MAGI2: variants seen among roughly 807,000 people sequenced by gnomAD.
MAGI2 encodes the protein membrane-associated guanylate kinase, WW and PDZ domain-containing protein 2.
Under a neutral mutation model 133.3 loss-of-function variants are expected in MAGI2, and 35 were observed. The observed-to-expected ratio is 0.26, with a 90% CI of 0.20 to 0.35. The LOEUF (loss-of-function observed/expected upper bound fraction) is 0.35, where lower values mean the gene tolerates loss of function less well. Among genes scored for constraint, MAGI2 ranks in the 10% least tolerant of loss-of-function variants. The pLI, the probability that MAGI2 is intolerant of heterozygous loss-of-function variation, is 1.00. For synonymous variants in MAGI2, 729 were observed against 710.6 expected (o/e 1.03, Z -0.41); for missense variants, 1,636 against 1,863.4 (o/e 0.88, Z 2.25).
intron 1 of MAGI2, among the ~76,000 whole-genome samples, chr7:79,039,851 TATATTATATATATATA>T: frequency 6.9e-6 from 1 of 144,946 alleles, no homozygotes; most frequent in African/African-American, 2.5e-5. Flanking sequence ...TATATACATA[TATATTATATATATATA>T]ATATATATGT....
chr7:78,660,025 A>G (rs1359785743), intron 2 of MAGI2, among the ~76,000 whole-genome samples: 1 of 151,972 alleles, frequency 6.6e-6, no homozygotes. Flanking sequence ...TGCAAGGACA[A>G]AAAACCAAAC....
intron 2 of MAGI2, among the ~76,000 whole-genome samples, chr7:78,800,801 G>A (rs1444933251): frequency 1.3e-5 from 2 of 152,038 alleles, no homozygotes; most frequent in Non-Finnish European, 2.9e-5. Flanking sequence ...TCCTTGCTCA[G>A]TTTTTGTGAT....
At chr7:79,189,104 T>C (rs970574849) in intron 1 of MAGI2, among the ~76,000 whole-genome samples, 3 of 151,806 alleles carry the variant, frequency 2.0e-5, no homozygotes, top group African/African-American at 7.3e-5. Flanking sequence ...AATTTATCTA[T>C]CTCCTTGATA....
intron 2 of MAGI2, among the ~76,000 whole-genome samples, chr7:78,953,813 T>C (rs1236387470): frequency 6.6e-6 from 1 of 152,148 alleles, no homozygotes; most frequent in Non-Finnish European, 1.5e-5. Flanking sequence ...AAGATGATGT[T>C]CTAAGAACCA....
intron 2 of MAGI2, among the ~76,000 whole-genome samples, chr7:78,833,457 A>T (rs73702598): frequency 0.087 from 13,273 of 152,172 alleles, 761 homozygotes; most frequent in East Asian, 0.2. Context: ...GTGTGTGTCT[A>T]TTATTTCTCG....
intron 6 of MAGI2, among the ~76,000 whole-genome samples, chr7:78,447,378 TAAA>T (rs61438029): frequency 0.024 from 3,372 of 139,950 alleles, 116 homozygotes; most frequent in African/African-American, 0.082. Flanking sequence ...TCCAGATGGC[TAAA>T]AAAAAAAAAA....
chr7:78,326,527 G>A (rs1442106931), intron 9 of MAGI2, among the ~76,000 whole-genome samples: 1 of 152,180 alleles, frequency 6.6e-6, no homozygotes, highest in Non-Finnish European at 1.5e-5. Flanking sequence ...CTGAAAGGAT[G>A]CCTGATGCAT....
At chr7:79,173,512 T>C (rs1309888014) in intron 1 of MAGI2, among the ~76,000 whole-genome samples, 1 of 151,992 alleles carries the variant, frequency 6.6e-6, no homozygotes, top group African/African-American at 2.4e-5. Context: ...TTTTAATTTT[T>C]GCAGAGATGG....
chr7:78,572,793 G>T (rs1356571058), intron 3 of MAGI2, among the ~76,000 whole-genome samples: 1 of 151,568 alleles, frequency 6.6e-6, no homozygotes, highest in African/African-American at 2.4e-5. Context: ...CACCCAAGTA[G>T]CTGGGATTAC....
chr7:78,694,391 G>C (rs777521142), intron 2 of MAGI2, among the ~76,000 whole-genome samples: 1 of 152,114 alleles, frequency 6.6e-6, no homozygotes, highest in Non-Finnish European at 1.5e-5. Context: ...GCTCTCATGA[G>C]TTCTTCTGTC....
At chr7:79,167,137 CT>C (rs1351886186) in intron 1 of MAGI2, among the ~76,000 whole-genome samples, 1 of 127,242 alleles carries the variant, frequency 7.9e-6, no homozygotes, top group Non-Finnish European at 1.6e-5. Context: ...CAGATACAGG[CT>C]TTATAGGGTC....
chr7:78,750,318 T>C (rs1454529491), intron 2 of MAGI2, among the ~76,000 whole-genome samples: 4 of 152,314 alleles, frequency 2.6e-5, no homozygotes, highest in Admixed American at 2.0e-4. Context: ...TCTTTGCTAT[T>C]GTGAACAGTG....
chr7:78,888,429 T>A (rs1796448806), intron 2 of MAGI2, among the ~76,000 whole-genome samples: 1 of 152,192 alleles, frequency 6.6e-6, no homozygotes, highest in Admixed American at 6.5e-5. Flanking sequence ...ACAGACTGCC[T>A]CCTCAAGTGG....
chr7:79,012,777 A>T lies in MAGI2; in HGVS notation c.302-5571T>A, dbSNP rs181094374. Among the ~76,000 whole-genome samples, 223 of 44,136 alleles carry T rather than the reference A, an allele frequency of 5.1e-3. 2 individuals carry two copies. The highest frequency in any genetic ancestry group is 0.021 in the African/African-American group (215 of 10,162). 29.0% of individuals were successfully genotyped at this position (44,136 alleles called of 152,430 possible). A position where few individuals can be genotyped will look rare whatever the true frequency, so the allele number is the denominator to read the frequency against. On this transcript the variant is annotated intron_variant, in intron 1 of 21. Transcript: ENST00000354212. Reference sequence around the variant, plus strand: ...CTTAGTTACTTAAAGCTGCTATAACAATACCATAGATTAATCTGTATTTCT... The same window carrying T: ...CTTAGTTACTTAAAGCTGCTATAACTATACCATAGATTAATCTGTATTTCT...
intron 10 of MAGI2, among the ~76,000 whole-genome samples, chr7:78,250,518 G>C (rs1387530866): frequency 1.3e-5 from 2 of 151,990 alleles, no homozygotes; most frequent in African/African-American, 4.8e-5. Flanking sequence ...AAGTAAGCTG[G>C]AGAGAAAAAA....
At chr7:79,175,521 G>A (rs1317254401) in intron 1 of MAGI2, among the ~76,000 whole-genome samples, 1 of 151,874 alleles carries the variant, frequency 6.6e-6, no homozygotes, top group African/African-American at 2.4e-5. Flanking sequence ...ATGCCTGAAG[G>A]TGTTGTAAAC....
chr7:79,235,564 C>T lies in MAGI2; in HGVS notation c.301+217456G>A, dbSNP rs180689598. ...TGGGAGTGACCCGATTTTCCAGGTG[C>T]GTCCGTCACCCCTTTGTTTGACTCG... On this transcript the variant is annotated intron_variant, in intron 1 of 21. Coordinates refer to ENST00000354212, the MANE Select transcript of MAGI2 (RefSeq NM_012301.4). 1.1e-3 allele frequency among the ~76,000 whole-genome samples: 171 copies of T among 152,326 alleles called. 2 individuals carry two copies. In the East Asian group the frequency reaches 0.014, roughly 13 times the overall value.
intron 1 of MAGI2, among the ~76,000 whole-genome samples, chr7:79,379,075 A>AG (rs1843599365): frequency 1.3e-5 from 2 of 149,934 alleles, no homozygotes; most frequent in Admixed American, 6.7e-5. Flanking sequence ...CTCGTCATTT[A>AG]CATTAGGTAT....
intron 2 of MAGI2, among the ~76,000 whole-genome samples, chr7:78,952,038 A>G (rs530051534): frequency 3.1e-4 from 47 of 152,294 alleles, no homozygotes; most frequent in Non-Finnish European, 4.6e-4. Flanking sequence ...TCCTCACTGA[A>G]TAAAACCTAA....
Sources: allele counts gnomAD v4.1 joint callset (sites outside exome capture counted in the v4.1 genomes callset), GRCh38; gene constraint gnomAD v4.1.1; transcripts MANE v1.5; gene names NCBI Gene and HGNC (gene_info 2026-07-23, HGNC 2026-07-21).